The following SLC44A5 variants were observed in gnomAD, a reference collection of about 807,000 sequenced individuals.
SLC44A5 encodes choline transporter-like protein 5.
A neutral mutation model predicts 101.8 loss-of-function variants in SLC44A5; 57 were observed. The ratio of observed to expected loss-of-function variants is 0.56; its 90% CI spans 0.45 to 0.70. The LOEUF is 0.70. Among genes scored for constraint, SLC44A5 ranks in the 30% least tolerant of loss-of-function variants. The probability of loss-of-function intolerance (pLI) is 0.00; values close to 1 mark genes in which losing one functional copy is unlikely to be tolerated. For synonymous variants in SLC44A5, 281 were observed against 290.9 expected, an observed-to-expected ratio of 0.97 and a Z score of 0.35; for missense variants, 737 against 853.1, an observed-to-expected ratio of 0.86 and a Z score of 1.70.
rs542462657 is a variant in SLC44A5 at position 75,219,022 on chromosome 1, T to G, written c.1266+235A>C. ...TGTTGACCATACCTACTTTCTATGG[T>G]CTTGGGTATATGGTAGGGCAGGCAA... is the stretch of plus-strand genomic sequence containing the variant. On this transcript the variant is annotated intron_variant, in intron 16 of 23. Coordinates refer to ENST00000370859, the MANE Select transcript of SLC44A5 (RefSeq NM_001130058.2). Among the ~76,000 whole-genome samples, 3 of 152,238 alleles carry G rather than the reference T, an allele frequency of 2.0e-5. No homozygotes were observed. The East Asian group carries it at 5.8e-4, about 29-fold the overall frequency.
chr1:75,219,146 C>T, intron 16 of SLC44A5, 111 bp downstream of exon 16: 1 of 766,980 alleles, frequency 1.3e-6, no homozygotes, highest in Non-Finnish European at 2.2e-6. Flanking sequence ...ATAGTTGTCC[C>T]CATCAGTGTA....
At chr1:75,589,675 C>T (rs376357736) in intron 1 of SLC44A5, among the ~76,000 whole-genome samples, 3 of 152,096 alleles carry the variant, frequency 2.0e-5, no homozygotes, top group East Asian at 1.9e-4. Flanking sequence ...ATAGAAAAAA[C>T]GGTCCTGAAT....
chr1:75,275,440 T>C (rs1393566274), intron 5 of SLC44A5, among the ~76,000 whole-genome samples: 1 of 152,184 alleles, frequency 6.6e-6, no homozygotes, highest in Non-Finnish European at 1.5e-5. Flanking sequence ...GTAATACTTT[T>C]GGGTTATGCA....
chr1:75,425,262 G>A (rs541030713), intron 2 of SLC44A5, among the ~76,000 whole-genome samples: 1 of 152,334 alleles, frequency 6.6e-6, no homozygotes, highest in East Asian at 1.9e-4. Context: ...CAGGTACTCA[G>A]CACTATGTTA....
At chr1:75,464,300 T>G (rs529830305) in intron 2 of SLC44A5, among the ~76,000 whole-genome samples, 1 of 152,064 alleles carries the variant, frequency 6.6e-6, no homozygotes, top group South Asian at 2.1e-4. Context: ...ATAGAGTCTT[T>G]ATTTGTTTTC....
chr1:75,547,683 A>AAAAC (rs1159700247), intron 1 of SLC44A5, among the ~76,000 whole-genome samples: 6 of 152,180 alleles, frequency 3.9e-5, no homozygotes, highest in Non-Finnish European at 7.4e-5. Flanking sequence ...AGCTTTAGCA[A>AAAAC]AAACAAACAA....
intron 1 of SLC44A5, among the ~76,000 whole-genome samples, chr1:75,545,812 C>A (rs909319633): frequency 8.3e-6 from 1 of 120,398 alleles, no homozygotes; most frequent in African/African-American, 3.2e-5. Flanking sequence ...ATTAACCATT[C>A]TTTTTTCTTT....
rs576216547 is a variant in SLC44A5 at position 75,408,124 on chromosome 1, G to C, written c.14-11503C>G. ...AACATATGAAAAAAAGCTCATTGTC[G>C]CTGGTCATTAGAGAAATGCAAATTA... On this transcript the variant is annotated intron_variant, in intron 2 of 23. Coordinates refer to ENST00000370859, the MANE Select transcript of SLC44A5 (RefSeq NM_001130058.2). 1.1e-3 allele frequency among the ~76,000 whole-genome samples: 167 copies of C among 152,182 alleles called. 1 individual carries two copies. Among genetic ancestry groups the C allele is most frequent in the Non-Finnish European group, 2.0e-3 (138 of 67,980 alleles).
intron 1 of SLC44A5, among the ~76,000 whole-genome samples, chr1:75,581,113 C>T (rs1342295216): frequency 2.0e-5 from 3 of 152,102 alleles, no homozygotes; most frequent in Admixed American, 2.0e-4. Flanking sequence ...GGCAGACAAG[C>T]CAGACCCTGA....
intron 3 of SLC44A5, among the ~76,000 whole-genome samples, chr1:75,389,722 A>C (rs967528419): frequency 6.6e-6 from 1 of 152,216 alleles, no homozygotes; most frequent in Non-Finnish European, 1.5e-5. Context: ...GAAAAATCTC[A>C]AATTAACAAT....
chr1:75,230,439 C>T (rs773020351), intron 12 of SLC44A5, among the ~76,000 whole-genome samples: 4 of 150,956 alleles, frequency 2.6e-5, no homozygotes, highest in East Asian at 2.0e-4. Context: ...TTAGCAGAGA[C>T]GGGGTTTCAC....
At chr1:75,675,705 G>C in the SLC44A5 span, among the ~76,000 whole-genome samples, 1 of 152,044 alleles carries the variant, frequency 6.6e-6, no homozygotes, top group African/African-American at 2.4e-5. Flanking sequence ...TTGACAAATG[G>C]GATCTAATTA....
At chr1:75,351,240 A>C (rs146824837) in intron 3 of SLC44A5, among the ~76,000 whole-genome samples, 200 of 152,156 alleles carry the variant, frequency 1.3e-3, no homozygotes, top group African/African-American at 4.4e-3. Context: ...AAAGAGACAT[A>C]ATCATGGTAA....
chr1:75,269,363 T>A (rs983087268), intron 6 of SLC44A5, among the ~76,000 whole-genome samples: 1 of 152,116 alleles, frequency 6.6e-6, no homozygotes, highest in East Asian at 1.9e-4. Flanking sequence ...TTTCCTAGAT[T>A]TCCATTTATC....
At chr1:75,643,581 T>C in the SLC44A5 span, among the ~76,000 whole-genome samples, 1 of 152,288 alleles carries the variant, frequency 6.6e-6, no homozygotes, top group East Asian at 1.9e-4. Flanking sequence ...ATAATCACCA[T>C]GTGTCATAGG....
intron 16 of SLC44A5, 106 bp from the exon 17 acceptor site, chr1:75,218,858 C>A: frequency 1.0e-6 from 1 of 987,282 alleles, no homozygotes; most frequent in Non-Finnish European, 1.5e-6. Flanking sequence ...TGTTGTTTCT[C>A]TGTTAGCTCC....
At chr1:75,610,859 T>C (rs1675618477) in intron 1 of SLC44A5, among the ~76,000 whole-genome samples, 181 bp downstream of exon 1, 1 of 152,070 alleles carries the variant, frequency 6.6e-6, no homozygotes, top group South Asian at 2.1e-4. Context: ...GATATCTATA[T>C]ATATACACAC....
chr1:75,571,651 C>G (rs1362890579), intron 1 of SLC44A5, among the ~76,000 whole-genome samples: 1 of 152,050 alleles, frequency 6.6e-6, no homozygotes, highest in African/African-American at 2.4e-5. Context: ...GTTCTGAGCA[C>G]CTTTAAGATA....
intron 5 of SLC44A5, among the ~76,000 whole-genome samples, chr1:75,290,687 C>T (rs961684371): frequency 6.6e-6 from 1 of 152,142 alleles, no homozygotes; most frequent in African/African-American, 2.4e-5. Context: ...CTTGCTGTAA[C>T]CCATAAATGC....
Sources: gnomAD v4.1 joint callset for allele counts (sites outside exome capture counted in the v4.1 genomes callset) on GRCh38, gnomAD v4.1.1 for gene constraint, MANE v1.5 for transcripts, NCBI Gene and HGNC (gene_info 2026-07-23, HGNC 2026-07-21) for gene names.